The following MLLT3 variants were observed in gnomAD, a reference collection of about 807,000 sequenced individuals.
The protein encoded by MLLT3 is protein AF-9.
Under a neutral mutation model 53.2 loss-of-function variants are expected in MLLT3, and 4 were observed. The ratio of observed to expected loss-of-function variants is 0.08; its 90% CI spans 0.04 to 0.17. The LOEUF is 0.17. Ranked by LOEUF, MLLT3 falls within the 10% of genes least tolerant of loss-of-function variation. MLLT3 has a pLI of 1.00. For synonymous variants in MLLT3, 283 were observed against 230.6 expected (o/e 1.23, Z -2.06); for missense variants, 569 against 684.0 (o/e 0.83, Z 1.87).
At chr9:20,501,043 C>A (rs1220167829) in intron 2 of MLLT3, among the ~76,000 whole-genome samples, 2 of 152,176 alleles carry the variant, frequency 1.3e-5, no homozygotes, top group South Asian at 4.1e-4. Context: ...CACATGTGCA[C>A]CACTTTCCTT....
chr9:20,457,252 T>G (rs984436296), intron 2 of MLLT3, among the ~76,000 whole-genome samples: 1 of 143,106 alleles, frequency 7.0e-6, no homozygotes, highest in African/African-American at 2.6e-5. Flanking sequence ...TTTTTTTTTT[T>G]TTTTTTTTTT....
chr9:20,602,579 G>C (rs1290804556), intron 2 of MLLT3, among the ~76,000 whole-genome samples: 1 of 152,082 alleles, frequency 6.6e-6, no homozygotes, highest in Admixed American at 6.6e-5. Flanking sequence ...ATGTGCTCAG[G>C]AGTGACAGTC....
chr9:20,618,265 G>T (rs998560574), intron 2 of MLLT3, among the ~76,000 whole-genome samples: 4 of 152,112 alleles, frequency 2.6e-5, no homozygotes, highest in African/African-American at 4.8e-5. Flanking sequence ...CACTTTAAAA[G>T]GTACTGGAAG....
rs1313276006 is a variant in MLLT3 at position 20,363,406 on chromosome 9, T to G, written c.1331+70A>C. On this transcript the variant is annotated intron_variant, in intron 7 of 10. Transcript: ENST00000380338. Reference sequence around the variant, plus strand: ...TTGGTGTTTCACACCTTTGCTGTGATTATCCCAGCAGGGCTTGTGAAAGAG... The same window carrying G: ...TTGGTGTTTCACACCTTTGCTGTGAGTATCCCAGCAGGGCTTGTGAAAGAG... The G allele has an allele frequency of 1.5e-5, 23 of 1,573,980 alleles. 1 individual carries two copies. Among genetic ancestry groups the G allele is most frequent in the Non-Finnish European group, 1.9e-5 (22 of 1,160,100 alleles).
chr9:20,506,758 G>T (rs553206104), intron 2 of MLLT3, among the ~76,000 whole-genome samples: 1 of 152,216 alleles, frequency 6.6e-6, no homozygotes, highest in Admixed American at 6.5e-5. Context: ...AAAGAACTTA[G>T]TGTTCTTACT....
intron 2 of MLLT3, among the ~76,000 whole-genome samples, chr9:20,563,781 G>A (rs1296383836): frequency 6.6e-6 from 1 of 152,096 alleles, no homozygotes; most frequent in Non-Finnish European, 1.5e-5. Context: ...CTTTATGTGG[G>A]AAAGACGTTG....
At chr9:20,495,593 A>G (rs1355684062) in intron 2 of MLLT3, among the ~76,000 whole-genome samples, 1 of 152,180 alleles carries the variant, frequency 6.6e-6, no homozygotes, top group African/African-American at 2.4e-5. Flanking sequence ...GCCTATTAAC[A>G]GCGTTTTCAT....
chr9:20,591,882 A>C lies in MLLT3; in HGVS notation c.193+28772T>G, dbSNP rs146229902. Among the ~76,000 whole-genome samples, 527 of 152,310 alleles carry C rather than the reference A, an allele frequency of 3.5e-3. 4 individuals carry two copies. The highest frequency in any genetic ancestry group is 0.012 in the African/African-American group (507 of 41,576). ...TTTTAAGAAATGTTAAACAGAATGA[A>C]GCCAGGTACGGTGGCACACTTGTAG... On this transcript the variant is annotated intron_variant, in intron 2 of 10. Transcript: ENST00000380338.
chr9:20,456,154 G>C (rs994068835), intron 3 of MLLT3, among the ~76,000 whole-genome samples: 21 of 151,912 alleles, frequency 1.4e-4, no homozygotes, highest in Admixed American at 1.4e-3. Flanking sequence ...GGCCAGGCTG[G>C]TCTCGAACTC....
intron 5 of MLLT3, among the ~76,000 whole-genome samples, chr9:20,376,419 G>A (rs1821766836): frequency 6.6e-6 from 1 of 152,216 alleles, no homozygotes; most frequent in South Asian, 2.1e-4. Context: ...AACAGGAAAC[G>A]TCCTTATTTC....
At chr9:20,371,746 A>C (rs1821607883) in intron 5 of MLLT3, among the ~76,000 whole-genome samples, 1 of 152,346 alleles carries the variant, frequency 6.6e-6, no homozygotes, top group South Asian at 2.1e-4. Context: ...CTGCTAATAC[A>C]TCTATTCTGT....
At chr9:20,575,225 A>G (rs889093428) in intron 2 of MLLT3, among the ~76,000 whole-genome samples, 2 of 152,158 alleles carry the variant, frequency 1.3e-5, no homozygotes, top group South Asian at 2.1e-4. Flanking sequence ...ACCTCCTCCA[A>G]TGAATCACAA....
intron 2 of MLLT3, among the ~76,000 whole-genome samples, chr9:20,599,285 CAG>C: frequency 7.2e-6 from 1 of 138,466 alleles, no homozygotes; most frequent in African/African-American, 2.8e-5. Flanking sequence ...GCCTGGGCGA[CAG>C]AGTAAGACTC....
chr9:20,620,589 C>T lies in MLLT3; in HGVS notation c.193+65G>A. The T allele has an allele frequency of 1.3e-6, 2 of 1,493,472 alleles. No individual in the cohort carries two copies. The highest frequency in any genetic ancestry group is 1.8e-6 in the Non-Finnish European group (2 of 1,099,604). The allele number at this position is 1,493,472 out of a possible 1,614,324, so 92.5% of individuals were successfully genotyped here. A position where few individuals can be genotyped will look rare whatever the true frequency, so the allele number is the denominator to read the frequency against. On this transcript the variant is annotated intron_variant, in intron 2 of 10. Coordinates refer to ENST00000380338, the MANE Select transcript of MLLT3 (RefSeq NM_004529.4). This position sits in a 1 kb window ranked among gnomAD's most constrained non-coding sequence, Gnocchi z 6.1. ...GGGGCGGGGAGCGGGACAGCGGGAC[C>T]GCCCGGGCCAAGCGATTGTTTCAAA...
At chr9:20,481,379 A>G (rs1465717839) in intron 2 of MLLT3, among the ~76,000 whole-genome samples, 1 of 152,160 alleles carries the variant, frequency 6.6e-6, no homozygotes, top group Non-Finnish European at 1.5e-5. Context: ...TCAGACCAAA[A>G]ACAATTTAAG....
chr9:20,501,522 C>T (rs1181174147), intron 2 of MLLT3, among the ~76,000 whole-genome samples: 3 of 152,086 alleles, frequency 2.0e-5, no homozygotes, highest in East Asian at 3.9e-4. Context: ...GAGGTCGAGG[C>T]GGGTGGATCA....
intron 2 of MLLT3, among the ~76,000 whole-genome samples, chr9:20,532,381 T>G (rs543884397): frequency 5.2e-4 from 79 of 152,238 alleles, no homozygotes; most frequent in Admixed American, 2.7e-3. Flanking sequence ...ATTTGTGGAA[T>G]AGTAAAAGAC....
intron 3 of MLLT3, among the ~76,000 whole-genome samples, chr9:20,450,811 A>T (rs888868142): frequency 1.3e-5 from 2 of 152,222 alleles, no homozygotes; most frequent in Non-Finnish European, 1.5e-5. Context: ...CCTCTAAGTT[A>T]TAAAACAGAA....
chr9:20,455,015 A>ATTG (rs1159274324), intron 3 of MLLT3, among the ~76,000 whole-genome samples: 4 of 152,236 alleles, frequency 2.6e-5, no homozygotes, highest in African/African-American at 4.8e-5. Context: ...ACAAGTAACA[A>ATTG]GTATTGGAGA....
Sources: allele counts gnomAD v4.1 joint callset (sites outside exome capture counted in the v4.1 genomes callset), GRCh38; gene constraint gnomAD v4.1.1; non-coding constraint Gnocchi (gnomAD v3.1); transcripts MANE v1.5; gene names NCBI Gene and HGNC (gene_info 2026-07-23, HGNC 2026-07-21).